GSG1L2: variants seen among roughly 807,000 people sequenced by gnomAD.
GSG1L2 encodes GSG1 like 2, also known as germ cell-specific gene 1-like protein 2.
In GSG1L2, 15 loss-of-function variants were observed where a neutral mutation model predicts 9.0. That is an observed-to-expected ratio of 1.67 (90% CI 1.12 to 2.57). The LOEUF is 2.57. GSG1L2 is among the 30% of genes most tolerant of loss of function. The pLI is 0.00. For missense variants in GSG1L2, 286 were observed against 150.3 expected (o/e 1.90, Z -4.72); for synonymous variants, 127 against 57.9 (o/e 2.19, Z -5.41).
intron 1 of GSG1L2, chr17:9,810,896 T>A: frequency 2.1e-6 from 1 of 469,478 alleles, no homozygotes; most frequent in Admixed American, 3.8e-5. Context: ...TTGGTTCCTG[T>A]TCCCTTGCTC....
intron 1 of GSG1L2, 115 bp downstream of exon 1, chr17:9,821,647 T>C (rs878887159): frequency 6.2e-6 from 4 of 643,812 alleles, no homozygotes; most frequent in East Asian, 2.7e-5. Context: ...AGCCCCTGCA[T>C]CATCCCGCAC....
At chr17:9,816,568 C>CTG (rs556061340) in intron 1 of GSG1L2, among the ~76,000 whole-genome samples, 1 of 89,506 alleles carries the variant, frequency 1.1e-5, no homozygotes, top group South Asian at 5.1e-4. Context: ...GCATGCATAT[C>CTG]TGTGTCTGTG....
Position 9,808,929 on chromosome 17 carries a change from T to A in GSG1L2, c.412A>T (p.Thr138Ser). ...CTGGAGCCCAGGAGGATGGCGCTTG[T>A]CAGTATCAGAACGATATCCAGGACC... The part of the protein sequence containing the change: ...GEVLDIVLIL[T>S]SAILLGSRVS... Residue 138 changes from threonine to serine, a missense_variant, in exon 3 of 5, where the codon ACA (threonine) becomes TCA (serine). Thr to Ser is a moderately conservative substitution (Grantham distance 58). Coordinates refer to ENST00000399363, the MANE Select transcript of GSG1L2 (RefSeq NM_001310219.2). The A allele has an allele frequency of 1.4e-6, 1 of 702,964 alleles. No homozygotes were observed. The allele number at this position is 702,964 out of a possible 1,614,324, so 43.5% of individuals were successfully genotyped here. A position where few individuals can be genotyped will look rare whatever the true frequency, so the allele number is the denominator to read the frequency against.
Position 9,808,914 on chromosome 17 carries a change from G to C in GSG1L2, c.427C>G (p.Leu143Val). ...IVLILTSAILLGSRVSCRSPG... is the reference protein window; with the variant it reads ...IVLILTSAILVGSRVSCRSPG... ...CTGCGACAACTCACTCTGGAGCCCA[G>C]GAGGATGGCGCTTGTCAGTATCAGA... The change falls in exon 3 of 5, where the codon CTG (leucine) becomes GTG (valine). Residue 143 changes from leucine to valine, a missense_variant. Leu to Val is a conservative substitution (Grantham distance 32, BLOSUM62 1). Coordinates refer to ENST00000399363, the MANE Select transcript of GSG1L2 (RefSeq NM_001310219.2). 1 of 703,044 alleles carries C rather than the reference G, an allele frequency of 1.4e-6. No individual in the cohort carries two copies. The highest frequency in any genetic ancestry group is 2.7e-5 in the East Asian group (1 of 37,284). 43.6% of individuals were successfully genotyped at this position (703,044 alleles called of 1,614,324 possible).
chr17:9,807,161 A>T (rs1269400483), intron 4 of GSG1L2, among the ~76,000 whole-genome samples: 1 of 152,144 alleles, frequency 6.6e-6, no homozygotes, highest in East Asian at 1.9e-4. Flanking sequence ...GAAGTTATTT[A>T]TTAGGAGTTA....
At chr17:9,810,362 C>T (rs1906398574) in intron 2 of GSG1L2, 2 of 584,042 alleles carry the variant, frequency 3.4e-6, no homozygotes, top group Non-Finnish European at 6.1e-6. Flanking sequence ...GGCTTCCCAT[C>T]CACCCTACAA....
Position 9,812,665 on chromosome 17 carries a change from C to T in GSG1L2, c.311-2047G>A, listed in dbSNP as rs149195661. ...TTTGAGACAGGGTCTTGCTCTGTCA[C>T]CCAGGCTGGAGTGCAGTGGATCATG... On this transcript the variant is annotated intron_variant, in intron 1 of 4. Coordinates refer to ENST00000399363, the MANE Select transcript of GSG1L2 (RefSeq NM_001310219.2). Among the ~76,000 whole-genome samples the T allele has an allele frequency of 3.8e-3, 575 of 152,232 alleles. 5 individuals are homozygous for T. Among genetic ancestry groups the T allele is most frequent in the African/African-American group, 0.013 (537 of 41,534 alleles).
chr17:9,809,005 A>G, intron 2 of GSG1L2, 23 bp from the exon 3 acceptor site: 1 of 702,816 alleles, frequency 1.4e-6, no homozygotes, highest in Non-Finnish European at 2.6e-6. Context: ...GGGATGTTGG[A>G]AACGCTGGAC....
At chr17:9,816,860 ATGTGTGTGTCTGTG>A (rs1467484777) in intron 1 of GSG1L2, among the ~76,000 whole-genome samples, 11 of 130,592 alleles carry the variant, frequency 8.4e-5, no homozygotes, top group Non-Finnish European at 1.9e-4. Flanking sequence ...GTGTATCTGT[ATGTGTGTGTCTGTG>A]TGTGTATCTG....
intron 1 of GSG1L2, among the ~76,000 whole-genome samples, chr17:9,811,825 A>G (rs1221441139): frequency 6.6e-6 from 1 of 152,176 alleles, no homozygotes; most frequent in African/African-American, 2.4e-5. Flanking sequence ...CCGCTACATC[A>G]CTGACTTAAT....
At chr17:9,815,733 T>C (rs1045371882) in intron 1 of GSG1L2, among the ~76,000 whole-genome samples, 2 of 152,210 alleles carry the variant, frequency 1.3e-5, no homozygotes, top group African/African-American at 4.8e-5. Context: ...GTGAGGTACT[T>C]ATTAAGAGCT....
chr17:9,808,266 T>C (rs1022350246), intron 3 of GSG1L2, among the ~76,000 whole-genome samples: 2 of 152,160 alleles, frequency 1.3e-5, no homozygotes, highest in African/African-American at 4.8e-5. Flanking sequence ...TTAAGTGGCT[T>C]TAAAAGTTGC....
rs911138468 is a variant in GSG1L2 at position 9,808,825 on chromosome 17, A to G, written c.511+5T>C. ...GCCTGTTCCAAGGATGCTGTTGGAA[A>G]GTACCTGCCAGCACCATGAAGATGG... On this transcript the variant is annotated splice_donor_5th_base_variant and intron_variant, in intron 3 of 4. Coordinates refer to ENST00000399363, the MANE Select transcript of GSG1L2 (RefSeq NM_001310219.2). 2.8e-6 allele frequency: 2 copies of G among 702,666 alleles called. No individual in the cohort carries two copies. The highest frequency in any genetic ancestry group is 5.2e-6 in the Non-Finnish European group (2 of 384,912). The allele number at this position is 702,666 out of a possible 1,614,324, so 43.5% of individuals were successfully genotyped here.
intron 4 of GSG1L2, chr17:9,803,684 T>G (rs894347757): frequency 2.6e-5 from 4 of 152,170 alleles, no homozygotes; most frequent in African/African-American, 9.7e-5. Context: ...TAAACAGTCT[T>G]GTATGTATGC....
At chr17:9,809,979 C>T (rs1432157384) in intron 2 of GSG1L2, 2 of 153,060 alleles carry the variant, frequency 1.3e-5, no homozygotes, top group Non-Finnish European at 2.9e-5. Context: ...AGGATCCCAC[C>T]TGTGGCTTCA....
chr17:9,806,938 G>C (rs1255114508), intron 4 of GSG1L2, among the ~76,000 whole-genome samples: 1 of 152,204 alleles, frequency 6.6e-6, no homozygotes, highest in Non-Finnish European at 1.5e-5. Flanking sequence ...CGTGTTATGT[G>C]TTTTACAAAG....
chr17:9,804,943 C>T (rs1199729924), intron 4 of GSG1L2: 1 of 151,912 alleles, frequency 6.6e-6, no homozygotes, highest in African/African-American at 2.4e-5. Flanking sequence ...ATCAATAAAG[C>T]AAGATCAGGA....
Position 9,813,895 on chromosome 17 carries a change from A to G in GSG1L2, c.311-3277T>C, listed in dbSNP as rs540019712. Among the ~76,000 whole-genome samples the G allele has an allele frequency of 5.9e-5, 9 of 152,248 alleles. No individual in the cohort carries two copies. The South Asian group carries it at 1.9e-3, about 32-fold the overall frequency. ...AAAATGGGTCTAATGAAAGGTCTCC[A>G]GTGAGAAAGTTGTGAAAGTATTTTG... On this transcript the variant is annotated intron_variant, in intron 1 of 4. Coordinates refer to ENST00000399363, the MANE Select transcript of GSG1L2 (RefSeq NM_001310219.2).
rs150504337 is a variant in GSG1L2 at position 9,816,476 on chromosome 17, CTG to C, written c.310+5284_310+5285del. On this transcript the variant is annotated intron_variant, in intron 1 of 4. Transcript: ENST00000399363. ...TCTGTGTGTGCGTCCGTGTGCGTGTCTGTGTGTGTGCATGTGTCTGTGTGTGC... is the reference window on the plus strand; with the variant it reads ...TCTGTGTGTGCGTCCGTGTGCGTGTCTGTGTGTGCATGTGTCTGTGTGTGC... Among the ~76,000 whole-genome samples the C allele has an allele frequency of 1.1e-4, 15 of 135,892 alleles. No homozygotes were observed. The East Asian group carries it at 1.3e-3, about 12-fold the overall frequency. 89.2% of individuals were successfully genotyped at this position (135,892 alleles called of 152,430 possible).
Sources: allele counts gnomAD v4.1 joint callset (sites outside exome capture counted in the v4.1 genomes callset), GRCh38; gene constraint gnomAD v4.1.1; transcripts MANE v1.5; gene names NCBI Gene and HGNC (gene_info 2026-07-23, HGNC 2026-07-21).